Variants in ATAD1 observed in about 807,000 individuals in gnomAD.
The protein encoded by ATAD1 is outer mitochondrial transmembrane helix translocase.
A neutral mutation model predicts 42.7 loss-of-function variants in ATAD1; 18 were observed. The ratio of observed to expected loss-of-function variants is 0.42; its 90% CI spans 0.29 to 0.63. ATAD1 has a LOEUF of 0.63. Among genes scored for constraint, ATAD1 ranks in the 20% least tolerant of loss-of-function variants. The pLI is 0.19. For synonymous variants in ATAD1, 132 were observed against 143.1 expected, an observed-to-expected ratio of 0.92 and a Z score of 0.55; for missense variants, 294 against 440.4, an observed-to-expected ratio of 0.67 and a Z score of 2.98.
At chr10:87,784,713 G>C (rs1380213149) in intron 4 of ATAD1, 43 bp from the exon 5 acceptor site, 2 of 1,551,164 alleles carry the variant, frequency 1.3e-6, no homozygotes, top group African/African-American at 2.7e-5. Context: ...GGGGATATTT[G>C]CTTCAATTTA....
rs1854083318 is a variant in ATAD1 at position 87,753,161 on chromosome 10, T to C, written c.*1526A>G. The C allele has an allele frequency of 6.6e-6, 1 of 152,072 alleles. No individual in the cohort carries two copies. The highest frequency in any genetic ancestry group is 1.5e-5 in the Non-Finnish European group (1 of 67,976). 9.4% of individuals were successfully genotyped at this position (152,072 alleles called of 1,614,324 possible). A position where few individuals can be genotyped will look rare whatever the true frequency, so the allele number is the denominator to read the frequency against. ...TACACATTTATAAAATAATAGAATA[T>C]AGTTATTAAAAATGGGACACTTTTT... On this transcript the variant is annotated 3_prime_UTR_variant, in exon 10 of 10. Coordinates refer to ENST00000680024, the MANE Select transcript of ATAD1 (RefSeq NM_001321967.2).
intron 5 of ATAD1, among the ~76,000 whole-genome samples, chr10:87,776,708 G>A (rs1207488995): frequency 6.6e-6 from 1 of 152,028 alleles, no homozygotes; most frequent in Non-Finnish European, 1.5e-5. Context: ...GGCCTCAAGT[G>A]ATTCTCCTGC....
intron 2 of ATAD1, among the ~76,000 whole-genome samples, chr10:87,813,979 A>G (rs1203183294): frequency 1.3e-5 from 2 of 152,118 alleles, no homozygotes; most frequent in Non-Finnish European, 2.9e-5. Flanking sequence ...ACTACAGCTT[A>G]TATTAATAAT....
intron 1 of ATAD1, among the ~76,000 whole-genome samples, chr10:87,830,183 C>T (rs1384550612): frequency 6.6e-6 from 1 of 152,060 alleles, no homozygotes; most frequent in East Asian, 1.9e-4. Flanking sequence ...ATGCAAGCAG[C>T]ATGAAATAGC....
chr10:87,828,442 G>C (rs1246571579), intron 1 of ATAD1, among the ~76,000 whole-genome samples: 1 of 152,202 alleles, frequency 6.6e-6, no homozygotes, highest in Non-Finnish European at 1.5e-5. Flanking sequence ...TTCTGTGAAG[G>C]TTAAGAGAGG....
intron 6 of ATAD1, among the ~76,000 whole-genome samples, chr10:87,775,651 T>A (rs1336892364): frequency 6.6e-6 from 1 of 151,810 alleles, no homozygotes; most frequent in African/African-American, 2.4e-5. Flanking sequence ...GCACAGAATA[T>A]TCAGAGGCCA....
chr10:87,776,362 T>A lies in ATAD1; in HGVS notation c.649A>T (p.Met217Leu). 6.2e-7 allele frequency: 1 copy of A among 1,613,872 alleles called. No individual in the cohort carries two copies. Among genetic ancestry groups the A allele is most frequent in the Non-Finnish European group, 8.5e-7 (1 of 1,179,822 alleles). ...EATAMMKAQF[M>L]SLWDGLDTDH... ...GTATCCAATCCATCCCAGAGACTCA[T>A]AAACTGAGCTTTCATCATGGCTGTA... is the stretch of plus-strand genomic sequence containing the variant. Residue 217 changes from methionine (M) to leucine (L), a missense_variant, in exon 6 of 10, where the codon ATG becomes TTG. Physicochemically the swap from Met to Leu is conservative, Grantham distance 15. Around this residue, in one of 3 missense-constraint regions of ATAD1, gnomAD observed 31 missense variants for 78.6 expected, o/e 0.39. Transcript: ENST00000680024.
intron 1 of ATAD1, among the ~76,000 whole-genome samples, chr10:87,835,634 G>A (rs1857916317): frequency 1.3e-5 from 2 of 152,042 alleles, no homozygotes; most frequent in South Asian, 4.1e-4. Flanking sequence ...ATATTTAGGT[G>A]TTTTTCCATT....
rs773338764 is a variant in ATAD1, at chr10:87,806,117, T to C, written c.162+8321A>G. On this transcript the variant is annotated intron_variant, in intron 2 of 9. Transcript: ENST00000680024. ...CCCCACAAACTTCCCCAAATTCTGA[T>C]TATTTCTTTGCAGAACATAGTGTTT... Among the ~76,000 whole-genome samples, 32 of 152,108 alleles carry C rather than the reference T, an allele frequency of 2.1e-4. 1 individual carries two copies. The highest frequency in any genetic ancestry group is 6.6e-4 in the Admixed American group (10 of 15,258).
At position 87,790,407 on chromosome 10, in the gene ATAD1, A is replaced by G. The variant is rs780759722; in HGVS notation, c.285T>C (p.Gly95=). ...TCAGATCCGTAATGACATCATCTAAACCTGCTATATCACTCCAAGTAACCT... is the reference window on the plus strand; with the variant it reads ...TCAGATCCGTAATGACATCATCTAAGCCTGCTATATCACTCCAAGTAACCT... ...NMHVTWSDIA[G]LDDVITDLKD... Residue 95 remains glycine (G), a synonymous_variant, in exon 4 of 10, where the codon GGT becomes GGC. Transcript: ENST00000680024. 1.2e-6 allele frequency: 2 copies of G among 1,611,444 alleles called. No homozygotes were observed. The highest frequency in any genetic ancestry group is 2.2e-5 in the East Asian group (1 of 44,698).
intron 2 of ATAD1, among the ~76,000 whole-genome samples, chr10:87,805,616 C>T (rs1267380432): frequency 1.3e-5 from 2 of 152,094 alleles, no homozygotes; most frequent in Non-Finnish European, 2.9e-5. Context: ...CAATCTCTCC[C>T]CTTCATGCTA....
chr10:87,838,736 T>TTCTCTC (rs112302394), intron 1 of ATAD1, among the ~76,000 whole-genome samples: 25 of 131,864 alleles, frequency 1.9e-4, no homozygotes, highest in African/African-American at 6.4e-4. Flanking sequence ...CTCATTCATA[T>TTCTCTC]TCTCTCTCTC....
At position 87,756,875 on chromosome 10, in the gene ATAD1, C is replaced by T. The variant is rs763349464; in HGVS notation, c.879G>A (p.Gly293=). The change falls in exon 9 of 10, where the codon GGG becomes GGA. Residue 293 remains glycine (G), a synonymous_variant. Transcript: ENST00000680024. ...TCTCTTTTAGGTCACTTCCTGAAAACCCATCAGTTTCCTGGGCAACTTCTA... is the reference window on the plus strand; with the variant it reads ...TCTCTTTTAGGTCACTTCCTGAAAATCCATCAGTTTCCTGGGCAACTTCTA... The part of the protein sequence containing the change: ...DLLEVAQETD[G]FSGSDLKEMC... The T allele has an allele frequency of 1.1e-5, 17 of 1,612,398 alleles. No homozygotes were observed. Among genetic ancestry groups the T allele is most frequent in the Non-Finnish European group, 1.4e-5 (17 of 1,179,234 alleles).
intron 6 of ATAD1, among the ~76,000 whole-genome samples, chr10:87,772,516 A>C (rs945163967): frequency 6.6e-6 from 1 of 152,196 alleles, no homozygotes; most frequent in African/African-American, 2.4e-5. Flanking sequence ...AACTAAAAGC[A>C]TAAGATAATG....
chr10:87,825,230 A>C (rs1214597004), intron 1 of ATAD1, among the ~76,000 whole-genome samples: 1 of 152,140 alleles, frequency 6.6e-6, no homozygotes, highest in Non-Finnish European at 1.5e-5. Flanking sequence ...TAGTAGATGA[A>C]AGTGAGACGC....
At chr10:87,837,605 C>A (rs1857952745) in intron 1 of ATAD1, among the ~76,000 whole-genome samples, 1 of 152,178 alleles carries the variant, frequency 6.6e-6, no homozygotes, top group South Asian at 2.1e-4. Context: ...CCTCCCTCTT[C>A]ATGGTCTCTA....
At chr10:87,792,343 T>C (rs1348022168) in intron 3 of ATAD1, among the ~76,000 whole-genome samples, 3 of 152,212 alleles carry the variant, frequency 2.0e-5, no homozygotes, top group African/African-American at 2.4e-5. Context: ...GAGTCTCCCG[T>C]GAGCTTTCCT....
chr10:87,836,878 T>TGGGGTCTAGACTAGGAA (rs1857940073), intron 1 of ATAD1, among the ~76,000 whole-genome samples: 1 of 152,220 alleles, frequency 6.6e-6, no homozygotes, highest in East Asian at 1.9e-4. Flanking sequence ...ATACTTTTTC[T>TGGGGTCTAGACTAGGAA]CTCCATTGTT....
At chr10:87,776,553 C>T (rs766430187) in intron 5 of ATAD1, 126 bp from the exon 6 acceptor site, 26 of 646,280 alleles carry the variant, frequency 4.0e-5, no homozygotes, top group East Asian at 1.8e-4. Flanking sequence ...ATTGCAACCT[C>T]GAACTCCCAG....
Sources: gnomAD v4.1 joint callset for allele counts (sites outside exome capture counted in the v4.1 genomes callset) on GRCh38, gnomAD v4.1.1 for gene constraint, gnomAD v4.1.1 regional missense constraint, MANE v1.5 for transcripts, NCBI Gene and HGNC (gene_info 2026-07-23, HGNC 2026-07-21) for gene names.